PACRG: variants seen among roughly 807,000 people sequenced by gnomAD.
PACRG encodes parkin coregulated gene protein.
A neutral mutation model predicts 29.7 loss-of-function variants in PACRG; 29 were observed. The ratio of observed to expected loss-of-function variants is 0.98; its 90% confidence interval spans 0.73 to 1.33. The LOEUF is 1.33. PACRG is among the 40% of genes most tolerant of loss of function. The pLI is 0.00. For synonymous variants in PACRG, 116 were observed against 118.7 expected (o/e 0.98, Z 0.15); for missense variants, 279 against 316.2 (o/e 0.88, Z 0.89).
chr6:163,068,437 C>T (rs1811745256), intron 3 of PACRG, among the ~76,000 whole-genome samples: 1 of 149,858 alleles, frequency 6.7e-6, no homozygotes, highest in African/African-American at 2.5e-5. Context: ...ATTTTTGAAT[C>T]TTTATCTCTG....
intron 1 of PACRG, among the ~76,000 whole-genome samples, chr6:162,748,140 A>G (rs1315176900): frequency 6.6e-6 from 1 of 152,192 alleles, no homozygotes; most frequent in Non-Finnish European, 1.5e-5. Flanking sequence ...GTCATTAAAG[A>G]AAGTGGGTTG....
intron 1 of PACRG, among the ~76,000 whole-genome samples, chr6:162,736,246 G>A: frequency 6.6e-6 from 1 of 152,156 alleles, no homozygotes; most frequent in East Asian, 1.9e-4. Context: ...AGATTTCAGT[G>A]AGAGCTAAGT....
intron 1 of PACRG, among the ~76,000 whole-genome samples, chr6:162,754,406 C>T (rs2128283068): frequency 6.6e-6 from 1 of 152,238 alleles, no homozygotes; most frequent in Non-Finnish European, 1.5e-5. Flanking sequence ...GTCTCCCATT[C>T]TGTGGGTTGT....
At chr6:163,099,974 G>A (rs530252654) in intron 4 of PACRG, among the ~76,000 whole-genome samples, 1 of 152,152 alleles carries the variant, frequency 6.6e-6, no homozygotes, top group Admixed American at 6.5e-5. Context: ...GACGGGCTCC[G>A]GGCTAGGAGC....
At chr6:162,741,589 C>A (rs548297288) in intron 1 of PACRG, among the ~76,000 whole-genome samples, 1 of 152,254 alleles carries the variant, frequency 6.6e-6, no homozygotes, top group South Asian at 2.1e-4. Flanking sequence ...CCTATTCTAA[C>A]CCTAATTACT....
chr6:163,075,292 A>C (rs1156363558), intron 3 of PACRG, among the ~76,000 whole-genome samples: 1 of 152,234 alleles, frequency 6.6e-6, no homozygotes, highest in Non-Finnish European at 1.5e-5. Flanking sequence ...CTCAAGGCTC[A>C]CATAGCTTCA....
Position 163,245,802 on chromosome 6 carries a change from G to A in PACRG, c.614-69025G>A, listed in dbSNP as rs1782673669. Among the ~76,000 whole-genome samples, 3 of 152,140 alleles carry A rather than the reference G, an allele frequency of 2.0e-5. 1 individual carries two copies. In the South Asian group the frequency reaches 6.2e-4, roughly 31 times the overall value. ...AGACAACTCTTGACTCGGTCTCCGG[G>A]CATTTTCTGCCCCTACTCAGGTCTT... On this transcript the variant is annotated intron_variant, in intron 4 of 4. Transcript: ENST00000366888.
At chr6:163,276,660 G>T (rs1360104244) in intron 4 of PACRG, among the ~76,000 whole-genome samples, 1 of 152,156 alleles carries the variant, frequency 6.6e-6, no homozygotes, top group Non-Finnish European at 1.5e-5. Context: ...GAGGCCTTTG[G>T]GGGGTGATTA....
chr6:163,184,287 A>G (rs1585308827), intron 4 of PACRG, among the ~76,000 whole-genome samples: 1 of 152,308 alleles, frequency 6.6e-6, no homozygotes, highest in East Asian at 1.9e-4. Flanking sequence ...TTTCTTGTTC[A>G]GTTTAGGTCT....
At chr6:162,876,325 G>A (rs1187301037) in intron 2 of PACRG, among the ~76,000 whole-genome samples, 1 of 152,212 alleles carries the variant, frequency 6.6e-6, no homozygotes, top group Non-Finnish European at 1.5e-5. Flanking sequence ...TCTTCCTGCT[G>A]TCCTCTAATA....
At chr6:162,902,589 G>A (rs1002049750) in intron 2 of PACRG, among the ~76,000 whole-genome samples, 7 of 152,214 alleles carry the variant, frequency 4.6e-5, no homozygotes, top group South Asian at 2.1e-4. Context: ...TTGCTATCCC[G>A]ACAATATATC....
At chr6:163,248,028 A>G (rs1418116023) in intron 4 of PACRG, among the ~76,000 whole-genome samples, 4 of 152,200 alleles carry the variant, frequency 2.6e-5, no homozygotes, top group Non-Finnish European at 2.9e-5. Flanking sequence ...GGTAAAGCCA[A>G]AGACTCGTTT....
At chr6:163,108,343 T>C (rs1815502299) in intron 4 of PACRG, among the ~76,000 whole-genome samples, 1 of 151,650 alleles carries the variant, frequency 6.6e-6, no homozygotes, top group Admixed American at 6.6e-5. Context: ...CAGCCATGCT[T>C]CCTGCACAGC....
intron 4 of PACRG, among the ~76,000 whole-genome samples, chr6:163,182,008 C>A (rs1244881156): frequency 6.6e-6 from 1 of 152,196 alleles, no homozygotes; most frequent in African/African-American, 2.4e-5. Context: ...ATCCTAATAG[C>A]GTTACCTCTC....
At chr6:162,859,903 AT>A (rs560170752) in intron 2 of PACRG, among the ~76,000 whole-genome samples, 43 of 152,162 alleles carry the variant, frequency 2.8e-4, no homozygotes, top group African/African-American at 9.9e-4. Flanking sequence ...TGTTACATAA[AT>A]TTTTTTATGC....
chr6:163,093,046 G>A (rs976492862), intron 4 of PACRG, among the ~76,000 whole-genome samples: 2 of 152,176 alleles, frequency 1.3e-5, no homozygotes, highest in Admixed American at 6.5e-5. Context: ...AATGCAGGGC[G>A]AGTGGCCAAA....
chr6:163,143,466 G>T (rs1052806598), intron 4 of PACRG, among the ~76,000 whole-genome samples: 1 of 152,166 alleles, frequency 6.6e-6, no homozygotes, highest in African/African-American at 2.4e-5. Flanking sequence ...TGATCCCAGA[G>T]CAACAACATC....
At chr6:162,818,019 T>G (rs553991098) in intron 2 of PACRG, among the ~76,000 whole-genome samples, 2 of 152,252 alleles carry the variant, frequency 1.3e-5, no homozygotes, top group Non-Finnish European at 2.9e-5. Context: ...AATAGCTTTT[T>G]TTTTAATTTT....
intron 2 of PACRG, chr6:162,997,472 A>G (rs1330513488): frequency 2.2e-6 from 1 of 450,944 alleles, no homozygotes; most frequent in Non-Finnish European, 4.4e-6. Flanking sequence ...AAAACTACTG[A>G]CAGACGGCAG....
Sources: gnomAD v4.1 joint callset for allele counts (sites outside exome capture counted in the v4.1 genomes callset) on GRCh38, gnomAD v4.1.1 for gene constraint, MANE v1.5 for transcripts, NCBI Gene and HGNC (gene_info 2026-07-23, HGNC 2026-07-21) for gene names.